The following RHBDL2 variants were observed in gnomAD, a reference collection of about 807,000 sequenced individuals.
The protein encoded by RHBDL2 is rhomboid-related protein 2.
RHBDL2 carries 26 observed loss-of-function variants against 31.7 expected under a neutral mutation model. The ratio of observed to expected loss-of-function variants is 0.82; its 90% CI spans 0.60 to 1.14. RHBDL2 has a LOEUF of 1.14. Among genes scored for constraint, RHBDL2 ranks in the 50% most tolerant of loss-of-function variants. The pLI, the probability that RHBDL2 is intolerant of heterozygous loss-of-function variation, is 0.00. For missense variants in RHBDL2, 336 were observed against 364.4 expected (o/e 0.92, Z 0.63); for synonymous variants, 123 against 127.2 (o/e 0.97, Z 0.22).
intron 1 of RHBDL2, among the ~76,000 whole-genome samples, chr1:38,932,715 C>G (rs1239416094): frequency 1.3e-5 from 2 of 152,206 alleles, no homozygotes; most frequent in Non-Finnish European, 2.9e-5. Context: ...CCACCTTGGC[C>G]TCCTGAAGTG....
chr1:38,893,060 G>A lies in RHBDL2; in HGVS notation c.670+104C>T. ...ATAGACCTCCCAGGTCTGTGTGTAT[G>A]CCCCAAATTGCAATCCTGTGATTCC... On this transcript the variant is annotated intron_variant, in intron 6 of 7. Coordinates refer to ENST00000372990, the MANE Select transcript of RHBDL2 (RefSeq NM_017821.5). The A allele has an allele frequency of 4.6e-6, 3 of 658,354 alleles. No homozygotes were observed. The South Asian group carries it at 6.5e-5, about 14-fold the overall frequency. The allele number at this position is 658,354 out of a possible 1,614,324, so 40.8% of individuals were successfully genotyped here.
intron 1 of RHBDL2, chr1:38,929,418 G>A: frequency 7.8e-7 from 1 of 1,289,446 alleles, no homozygotes; most frequent in Non-Finnish European, 1.0e-6. Flanking sequence ...CCTCACCCAG[G>A]AAGGCCCTGG....
chr1:38,913,432 G>C (rs1455604035), intron 3 of RHBDL2: 1 of 152,026 alleles, frequency 6.6e-6, no homozygotes, highest in East Asian at 1.9e-4. Flanking sequence ...CCCCTGATTT[G>C]TCAAGCCTCT....
In RHBDL2 at chr1:38,927,149, A is replaced by C. The variant is rs117029390; in HGVS notation, c.-125-7812T>G. Among the ~76,000 whole-genome samples the C allele has an allele frequency of 5.4e-4, 81 of 151,120 alleles. 1 individual carries two copies. In the East Asian group the frequency reaches 0.015, roughly 28 times the overall value. ...TGTTGAAAAGAGCCTTCTACCGGGC[A>C]GGGCGCGGTGGCTCACGCCTGTAAT... On this transcript the variant is annotated intron_variant, in intron 1 of 7. Transcript: ENST00000372990.
rs146597166 is a variant in RHBDL2, at chr1:38,901,233, C to T, written c.509-5164G>A. ...ATCCCAGCACTTTGGGAGGACAAGGCAGGCAGATCTCCTGAGGTCAGGAGT... is the reference window on the plus strand; with the variant it reads ...ATCCCAGCACTTTGGGAGGACAAGGTAGGCAGATCTCCTGAGGTCAGGAGT... On this transcript the variant is annotated intron_variant, in intron 4 of 7. Coordinates refer to ENST00000372990, the MANE Select transcript of RHBDL2 (RefSeq NM_017821.5). Among the ~76,000 whole-genome samples, 205 of 151,856 alleles carry T rather than the reference C, an allele frequency of 1.3e-3. 2 individuals carry two copies. Among genetic ancestry groups the T allele is most frequent in the South Asian group, 8.1e-3 (39 of 4,812 alleles).
At chr1:38,937,252 C>T (rs1394349189) in intron 1 of RHBDL2, among the ~76,000 whole-genome samples, 2 of 152,066 alleles carry the variant, frequency 1.3e-5, no homozygotes, top group African/African-American at 2.4e-5. Flanking sequence ...GGCCCCTGGC[C>T]GAGTATTCTT....
Position 38,893,132 on chromosome 1 carries a change from G to C in RHBDL2, c.670+32C>G. 4.8e-6 allele frequency: 6 copies of C among 1,248,874 alleles called. No homozygotes were observed. In the South Asian group the frequency reaches 7.6e-5, roughly 16 times the overall value. 77.4% of individuals were successfully genotyped at this position (1,248,874 alleles called of 1,614,324 possible). On this transcript the variant is annotated intron_variant, in intron 6 of 7. Coordinates refer to ENST00000372990, the MANE Select transcript of RHBDL2 (RefSeq NM_017821.5). ...TGTCTCTATATTTTATTTTCACTTG[G>C]ACAGTATGAAGTATTCACAAAACAC...
At chr1:38,894,732 G>C (rs1642894930) in intron 5 of RHBDL2, among the ~76,000 whole-genome samples, 1 of 83,430 alleles carries the variant, frequency 1.2e-5, no homozygotes, top group African/African-American at 4.8e-5. Context: ...TTTTGAGACA[G>C]AGTCTTGCTT....
intron 6 of RHBDL2, among the ~76,000 whole-genome samples, chr1:38,888,978 G>T (rs775343331): frequency 1.3e-5 from 2 of 152,174 alleles, no homozygotes; most frequent in Non-Finnish European, 2.9e-5. Flanking sequence ...GATGAGGTCA[G>T]ACAGGTAGCA....
At chr1:38,911,571 G>T (rs533073951) in intron 3 of RHBDL2, 137 bp from the exon 4 acceptor site, 7 of 621,492 alleles carry the variant, frequency 1.1e-5, no homozygotes, top group African/African-American at 1.9e-5. Context: ...ATTTTTCTTC[G>T]CAGACAACTC....
chr1:38,907,201 G>A (rs971234275), intron 4 of RHBDL2, among the ~76,000 whole-genome samples: 8 of 152,134 alleles, frequency 5.3e-5, no homozygotes, highest in African/African-American at 1.9e-4. Context: ...GATATCTTCA[G>A]GCCAAACAAA....
At chr1:38,896,656 G>A (rs1185094813) in intron 4 of RHBDL2, among the ~76,000 whole-genome samples, 1 of 152,074 alleles carries the variant, frequency 6.6e-6, no homozygotes, top group Non-Finnish European at 1.5e-5. Context: ...CTTTCTCAAT[G>A]AGCCATAATG....
chr1:38,906,660 C>T (rs576135027), intron 4 of RHBDL2, among the ~76,000 whole-genome samples: 2 of 148,138 alleles, frequency 1.4e-5, no homozygotes, highest in Non-Finnish European at 3.0e-5. Context: ...GGCGACAGAG[C>T]GACACTCCAT....
chr1:38,914,499 C>T (rs976988382), intron 3 of RHBDL2, among the ~76,000 whole-genome samples: 3 of 151,792 alleles, frequency 2.0e-5, no homozygotes, highest in Non-Finnish European at 4.4e-5. Flanking sequence ...ACCTCAGCCT[C>T]CCAAAGTGCT....
chr1:38,893,259 T>C (rs1349212546), intron 5 of RHBDL2, 35 bp from the exon 6 acceptor site: 2 of 1,047,852 alleles, frequency 1.9e-6, no homozygotes, highest in Non-Finnish European at 1.5e-6. Context: ...ATATAAGCTA[T>C]CTATGGACAA....
chr1:38,936,210 ATATTTTTATTTCTT>A (rs1205645262), intron 1 of RHBDL2, among the ~76,000 whole-genome samples: 4 of 151,798 alleles, frequency 2.6e-5, no homozygotes, highest in South Asian at 2.1e-4. Context: ...GCCTAAACAA[ATATTTTTATTTCTT>A]TATTTTTATT....
At position 38,889,620 on chromosome 1, in the gene RHBDL2, T is replaced by G. The variant is rs1456350327; in HGVS notation, c.671-1596A>C. On this transcript the variant is annotated intron_variant, in intron 6 of 7. Transcript: ENST00000372990. ...CGGGAGTTCTGAAGGTGTCAGGCCATGAAAGGAAATCATTCCATATTCTCC... is the reference window on the plus strand; with the variant it reads ...CGGGAGTTCTGAAGGTGTCAGGCCAGGAAAGGAAATCATTCCATATTCTCC... 2.6e-5 allele frequency among the ~76,000 whole-genome samples: 4 copies of G among 152,180 alleles called. No individual in the cohort carries two copies. In the East Asian group the frequency reaches 7.7e-4, roughly 29 times the overall value.
At chr1:38,929,537 A>G in intron 1 of RHBDL2, 1 of 1,289,352 alleles carries the variant, frequency 7.8e-7, no homozygotes, top group Non-Finnish European at 1.0e-6. Context: ...AAATATCTGA[A>G]TTGTTTTTTC....
chr1:38,887,977 C>T lies in RHBDL2; in HGVS notation c.718G>A (p.Glu240Lys). 2 of 1,611,558 alleles carry T rather than the reference C, an allele frequency of 1.2e-6. No homozygotes were observed. Among genetic ancestry groups the T allele is most frequent in the South Asian group, 2.2e-5 (2 of 90,978 alleles). ...ACTGAACTCACCGGAGACCCATCTT[C>T]AGGAACAAAGAACCTTCTATAGAGA... ...FALYRRFFVP[E>K]DGSPVSFAAH... Residue 240 changes from glutamate to lysine, a missense_variant, in exon 7 of 8, where the codon GAA (glutamate) becomes AAA (lysine). Glu to Lys is a moderately conservative substitution (Grantham distance 56). Transcript: ENST00000372990.
Sources: gnomAD v4.1 joint callset for allele counts (sites outside exome capture counted in the v4.1 genomes callset) on GRCh38, gnomAD v4.1.1 for gene constraint, MANE v1.5 for transcripts, NCBI Gene and HGNC (gene_info 2026-07-23, HGNC 2026-07-21) for gene names.